Variants in GRIK3 observed in about 807,000 individuals in gnomAD.
GRIK3 encodes glutamate receptor ionotropic, kainate 3.
A neutral mutation model predicts 102.5 loss-of-function variants in GRIK3; 29 were observed. That is an observed-to-expected ratio of 0.28 (90% confidence interval 0.21 to 0.39). The LOEUF (loss-of-function observed/expected upper bound fraction) is 0.39. Ranked by LOEUF, GRIK3 falls within the 10% of genes least tolerant of loss-of-function variation. The pLI, the probability that GRIK3 is intolerant of heterozygous loss-of-function variation, is 1.00. For missense variants in GRIK3, 908 were observed against 1,252.4 expected, an observed-to-expected ratio of 0.73 and a Z score of 4.15; for synonymous variants, 511 against 504.9, an observed-to-expected ratio of 1.01 and a Z score of -0.16.
intron 1 of GRIK3, among the ~76,000 whole-genome samples, chr1:37,025,990 T>C (rs142205749): frequency 7.7e-4 from 118 of 152,258 alleles, no homozygotes; most frequent in African/African-American, 2.4e-3. Flanking sequence ...CTGTCCTCAT[T>C]ACCTGCTGTC....
intron 1 of GRIK3, among the ~76,000 whole-genome samples, chr1:36,899,210 A>C (rs1641206313): frequency 6.6e-6 from 1 of 152,206 alleles, no homozygotes; most frequent in Non-Finnish European, 1.5e-5. Context: ...AAAACTGTAT[A>C]TCAAAAGACA....
intron 1 of GRIK3, among the ~76,000 whole-genome samples, chr1:36,986,377 A>G (rs989027467): frequency 8.0e-5 from 12 of 149,726 alleles, no homozygotes; most frequent in African/African-American, 3.0e-4. Flanking sequence ...CAGTCCGCCC[A>G]TCCATCCATC....
intron 2 of GRIK3, among the ~76,000 whole-genome samples, chr1:36,885,961 C>G (rs1001349132): frequency 3.9e-5 from 6 of 152,170 alleles, no homozygotes; most frequent in Non-Finnish European, 7.3e-5. Context: ...TTATCCCAAT[C>G]AATTTGTGTC....
chr1:36,955,478 C>G (rs1366447252), intron 1 of GRIK3, among the ~76,000 whole-genome samples: 1 of 152,186 alleles, frequency 6.6e-6, no homozygotes, highest in Non-Finnish European at 1.5e-5. Flanking sequence ...TCTGGGAGGC[C>G]CCGCACATCA....
At chr1:36,847,754 G>T (rs944129265) in intron 9 of GRIK3, among the ~76,000 whole-genome samples, 14 of 152,192 alleles carry the variant, frequency 9.2e-5, no homozygotes, top group Admixed American at 8.5e-4. Flanking sequence ...AGGGTCATAT[G>T]GCAAATCAAC....
At chr1:36,831,058 T>G (rs917076200) in intron 10 of GRIK3, among the ~76,000 whole-genome samples, 1 of 152,154 alleles carries the variant, frequency 6.6e-6, no homozygotes, top group Non-Finnish European at 1.5e-5. Context: ...TCATGGCCAT[T>G]TGGTGTGGCA....
Position 36,805,131 on chromosome 1 carries a change from C to T in GRIK3, c.2421G>A (p.Glu807=), listed in dbSNP as rs1642484764. Residue 807 remains glutamate (E), a synonymous_variant, in exon 15 of 16, where the codon GAG becomes GAA. Coordinates refer to ENST00000373091, the MANE Select transcript of GRIK3 (RefSeq NM_000831.4). ...GGGCACTGGCCTCTTTGTTTTCCTC[C>T]TCAGGACACCCGCTGCCCCGCCACC... The part of the protein sequence containing the change: ...EKWWRGSGCP[E]EENKEASALG... 1 of 1,614,204 alleles carries T rather than the reference C, an allele frequency of 6.2e-7. No individual in the cohort carries two copies. The highest frequency in any genetic ancestry group is 8.5e-7 in the Non-Finnish European group (1 of 1,180,036).
At chr1:37,004,123 A>C (rs552672279) in intron 1 of GRIK3, among the ~76,000 whole-genome samples, 54 of 152,070 alleles carry the variant, frequency 3.6e-4, no homozygotes, top group Non-Finnish European at 5.4e-4. Flanking sequence ...TCTAAAAAAA[A>C]CCCCACACAT....
chr1:36,860,970 A>G (rs960055280), intron 5 of GRIK3, among the ~76,000 whole-genome samples: 9 of 152,214 alleles, frequency 5.9e-5, no homozygotes, highest in Non-Finnish European at 8.8e-5. Context: ...GCTACTTGTT[A>G]AAAGCTCAGA....
chr1:36,827,687 A>T (rs1046252534), intron 10 of GRIK3, among the ~76,000 whole-genome samples: 1 of 152,160 alleles, frequency 6.6e-6, no homozygotes, highest in Admixed American at 6.5e-5. Context: ...CTCATCTTAG[A>T]ACAGGAACTA....
intron 1 of GRIK3, among the ~76,000 whole-genome samples, chr1:36,965,972 T>G (rs1173341659): frequency 6.6e-6 from 1 of 152,180 alleles, no homozygotes; most frequent in East Asian, 1.9e-4. Context: ...TAATCTGCCC[T>G]TCGAGGGATA....
In GRIK3 at chr1:37,034,323, G is replaced by C. The variant is rs1444887183; in HGVS notation, c.-215C>G. ...CCCGCCCCGCCTGGCTGCCGCCCAC[G>C]GGCTGCCCGCGAGCGAGGCTCCTGG... On this transcript the variant is annotated 5_prime_UTR_variant, in exon 1 of 16. Coordinates refer to ENST00000373091, the MANE Select transcript of GRIK3 (RefSeq NM_000831.4). Among the ~76,000 whole-genome samples, 2 of 149,854 alleles carry C rather than the reference G, an allele frequency of 1.3e-5. No individual in the cohort carries two copies. Among genetic ancestry groups the C allele is most frequent in the Non-Finnish European group, 3.0e-5 (2 of 67,192 alleles).
chr1:36,885,292 C>G (rs1641026212), intron 2 of GRIK3, among the ~76,000 whole-genome samples: 1 of 152,044 alleles, frequency 6.6e-6, no homozygotes, highest in African/African-American at 2.4e-5. Flanking sequence ...GTTGATGGTA[C>G]TGACAGTATC....
intron 5 of GRIK3, among the ~76,000 whole-genome samples, 192 bp from the exon 6 acceptor site, chr1:36,860,209 G>C (rs1306726670): frequency 1.3e-5 from 2 of 152,204 alleles, no homozygotes; most frequent in East Asian, 3.8e-4. Context: ...CCTGGAGTCT[G>C]ACTCAGAACT....
chr1:36,907,357 G>C (rs184661432), intron 1 of GRIK3, among the ~76,000 whole-genome samples: 17 of 152,278 alleles, frequency 1.1e-4, no homozygotes, highest in Admixed American at 1.1e-3. Flanking sequence ...CCCAAAGGTG[G>C]GCGAGTCAAG....
intron 1 of GRIK3, among the ~76,000 whole-genome samples, chr1:36,899,743 A>C (rs1641212775): frequency 6.6e-6 from 1 of 152,222 alleles, no homozygotes; most frequent in Non-Finnish European, 1.5e-5. Context: ...TGCCATCCTA[A>C]TATCAATCAA....
chr1:36,860,077 G>C, intron 5 of GRIK3, 60 bp from the exon 6 acceptor site: 1 of 1,349,096 alleles, frequency 7.4e-7, no homozygotes, highest in Non-Finnish European at 1.0e-6. Flanking sequence ...CTCCAGCCCC[G>C]CCTCCTACCC....
At chr1:36,882,590 A>G (rs1640993671) in intron 2 of GRIK3, among the ~76,000 whole-genome samples, 1 of 152,182 alleles carries the variant, frequency 6.6e-6, no homozygotes, top group South Asian at 2.1e-4. Context: ...CGCACCCAGA[A>G]AACCACTCAC....
chr1:36,957,429 CT>C (rs1641927214), intron 1 of GRIK3, among the ~76,000 whole-genome samples: 1 of 37,062 alleles, frequency 2.7e-5, no homozygotes, highest in African/African-American at 8.3e-5. Context: ...CCCCATGAGC[CT>C]CTGTGCTCTG....
Sources: gnomAD v4.1 joint callset for allele counts (sites outside exome capture counted in the v4.1 genomes callset) on GRCh38, gnomAD v4.1.1 for gene constraint, MANE v1.5 for transcripts, NCBI Gene and HGNC (gene_info 2026-07-23, HGNC 2026-07-21) for gene names.